CNTNAP2: variants seen among roughly 807,000 people sequenced by gnomAD.
The protein encoded by CNTNAP2 is contactin associated protein 2.
In CNTNAP2, 98 loss-of-function variants were observed where a neutral mutation model predicts 155.2. That is an observed-to-expected ratio of 0.63 (90% confidence interval 0.54 to 0.75). The LOEUF is 0.75. Among genes scored for constraint, CNTNAP2 ranks in the 30% least tolerant of loss-of-function variants. The pLI is 0.00. For missense variants in CNTNAP2, 1,727 were observed against 1,688.1 expected (o/e 1.02, Z -0.40); for synonymous variants, 651 against 631.2 (o/e 1.03, Z -0.47).
At chr7:147,160,649 G>T (rs1214125962) in intron 8 of CNTNAP2, among the ~76,000 whole-genome samples, 1 of 152,102 alleles carries the variant, frequency 6.6e-6, no homozygotes, top group Non-Finnish European at 1.5e-5. Context: ...GTAATATGAT[G>T]TGTTAAGTAC....
intron 17 of CNTNAP2, among the ~76,000 whole-genome samples, chr7:148,159,594 A>G (rs566293966): frequency 6.6e-6 from 1 of 152,056 alleles, no homozygotes; most frequent in East Asian, 1.9e-4. Context: ...ACCACGAATA[A>G]CCCTCCAGGG....
intron 15 of CNTNAP2, among the ~76,000 whole-genome samples, chr7:148,115,485 T>C (rs143818664): frequency 2.6e-5 from 4 of 152,306 alleles, no homozygotes; most frequent in East Asian, 1.9e-4. Context: ...GGGACTTTGA[T>C]CTCTGCAGGC....
chr7:146,817,491 A>G (rs1803196510), intron 2 of CNTNAP2, among the ~76,000 whole-genome samples: 1 of 151,888 alleles, frequency 6.6e-6, no homozygotes, highest in Non-Finnish European at 1.5e-5. Flanking sequence ...AAAATCTGAA[A>G]CTGGGTAATT....
intron 3 of CNTNAP2, among the ~76,000 whole-genome samples, chr7:146,887,604 AATT>A (rs1795693687): frequency 6.6e-6 from 1 of 151,922 alleles, no homozygotes; most frequent in South Asian, 2.1e-4. Flanking sequence ...TTTTTTCTAA[AATT>A]TCTTTCAGTA....
intron 1 of CNTNAP2, among the ~76,000 whole-genome samples, chr7:146,299,425 G>C (rs2129088056): frequency 6.6e-6 from 1 of 152,120 alleles, no homozygotes; most frequent in East Asian, 1.9e-4. Flanking sequence ...TTTAGAGTTG[G>C]AGTCACGGAG....
intron 9 of CNTNAP2, among the ~76,000 whole-genome samples, chr7:147,369,591 G>T (rs1399600246): frequency 6.6e-6 from 1 of 152,086 alleles, no homozygotes; most frequent in Non-Finnish European, 1.5e-5. Flanking sequence ...TCTCAGTTTT[G>T]GAGGCCATAT....
chr7:147,487,380 A>T (rs1300742842), intron 11 of CNTNAP2, among the ~76,000 whole-genome samples: 1 of 152,216 alleles, frequency 6.6e-6, no homozygotes, highest in East Asian at 1.9e-4. Context: ...AGTTATAACT[A>T]AAATTGTTCC....
At chr7:146,968,554 G>A (rs994535920) in intron 3 of CNTNAP2, among the ~76,000 whole-genome samples, 39 of 152,030 alleles carry the variant, frequency 2.6e-4, no homozygotes, top group Admixed American at 1.3e-3. Context: ...TGTATGTGTC[G>A]AGGAATTTAT....
At chr7:148,236,700 G>C (rs1343685980) in intron 20 of CNTNAP2, among the ~76,000 whole-genome samples, 1 of 152,126 alleles carries the variant, frequency 6.6e-6, no homozygotes, top group Non-Finnish European at 1.5e-5. Flanking sequence ...AGAAAAAAAA[G>C]GTTTAGTTGG....
chr7:146,747,187 A>T (rs932659626), intron 1 of CNTNAP2, among the ~76,000 whole-genome samples: 10 of 152,150 alleles, frequency 6.6e-5, no homozygotes, highest in African/African-American at 2.4e-4. Flanking sequence ...CTTATAATAG[A>T]TTTTCCTAAT....
intron 3 of CNTNAP2, among the ~76,000 whole-genome samples, chr7:146,960,982 G>A (rs1797547283): frequency 1.3e-5 from 2 of 152,020 alleles, no homozygotes; most frequent in African/African-American, 2.4e-5. Context: ...TTTCTAAGTG[G>A]GCAGCTCTCA....
chr7:147,086,296 C>T (rs1011547656), intron 4 of CNTNAP2, among the ~76,000 whole-genome samples: 2 of 151,786 alleles, frequency 1.3e-5, no homozygotes, highest in African/African-American at 4.8e-5. Context: ...AAATATGAAA[C>T]AAAGAAGAAA....
At chr7:147,158,271 T>C (rs1801963086) in intron 8 of CNTNAP2, among the ~76,000 whole-genome samples, 1 of 152,054 alleles carries the variant, frequency 6.6e-6, no homozygotes. Flanking sequence ...TATCTAATAA[T>C]AACTACATGA....
At chr7:147,840,457 G>C (rs1383448426) in intron 13 of CNTNAP2, among the ~76,000 whole-genome samples, 15 of 152,172 alleles carry the variant, frequency 9.9e-5, no homozygotes, top group Non-Finnish European at 1.5e-4. Flanking sequence ...CTGAGTTACT[G>C]CAGCATGTCC....
chr7:148,395,319 A>G (rs1197368782), intron 22 of CNTNAP2, among the ~76,000 whole-genome samples: 1 of 151,466 alleles, frequency 6.6e-6, no homozygotes, highest in East Asian at 1.9e-4. Context: ...TGTGTGTATC[A>G]TGGTCTTATA....
intron 15 of CNTNAP2, among the ~76,000 whole-genome samples, chr7:148,023,650 G>C (rs1257684706): frequency 6.6e-6 from 1 of 152,136 alleles, no homozygotes; most frequent in Non-Finnish European, 1.5e-5. Flanking sequence ...AGATGTCTTG[G>C]TGGATTCTGT....
intron 3 of CNTNAP2, among the ~76,000 whole-genome samples, chr7:146,948,422 C>T (rs1161733382): frequency 6.6e-6 from 1 of 151,226 alleles, no homozygotes; most frequent in African/African-American, 2.4e-5. Context: ...AATTTTATTG[C>T]TTATCTTTAT....
At chr7:147,809,625 C>A (rs139124083) in intron 13 of CNTNAP2, among the ~76,000 whole-genome samples, 3 of 152,114 alleles carry the variant, frequency 2.0e-5, no homozygotes, top group African/African-American at 4.8e-5. Flanking sequence ...AGCTTTTCTG[C>A]GTCATTATTT....
intron 8 of CNTNAP2, among the ~76,000 whole-genome samples, chr7:147,256,219 A>G (rs60424529): frequency 0.19 from 28,441 of 152,068 alleles, 4,086 homozygotes; most frequent in East Asian, 0.71. Context: ...GACAGGCCCT[A>G]TGGTTGGTGG....
Sources: allele counts gnomAD v4.1 joint callset (sites outside exome capture counted in the v4.1 genomes callset), GRCh38; gene constraint gnomAD v4.1.1; transcripts MANE v1.5; gene names NCBI Gene and HGNC (gene_info 2026-07-23, HGNC 2026-07-21).